Variants in SUMO3 observed in about 807,000 individuals in gnomAD.
SUMO3 encodes small ubiquitin-related modifier 3.
SUMO3 carries 2 observed loss-of-function variants against 11.1 expected under a neutral mutation model. The observed-to-expected ratio is 0.18, with a 90% CI of 0.07 to 0.57. The LOEUF (loss-of-function observed/expected upper bound fraction) is 0.57, where lower values mean the gene tolerates loss of function less well. SUMO3 is among the 20% of genes least tolerant of loss of function. SUMO3 has a pLI of 0.92. For missense variants in SUMO3, 70 were observed against 132.8 expected (o/e 0.53, Z 2.32); for synonymous variants, 56 against 53.5 (o/e 1.05, Z -0.20).
At chr21:44,813,831 G>GC in intron 2 of SUMO3, 145 bp downstream of exon 2, 5 of 1,540,202 alleles carry the variant, frequency 3.2e-6, no homozygotes, top group Non-Finnish European at 3.5e-6. Context: ...TACAGCACAA[G>GC]CCCCCGCCTG....
rs369635137 is a variant in SUMO3 at position 44,813,956 on chromosome 21, G to T, written c.150+20C>A. The T allele has an allele frequency of 1.3e-5, 21 of 1,607,548 alleles. No individual in the cohort carries two copies. Among genetic ancestry groups the T allele is most frequent in the South Asian group, 3.3e-5 (3 of 91,082 alleles). On this transcript the variant is annotated intron_variant, in intron 2 of 3. Transcript: ENST00000332859. The stretch of plus-strand genomic sequence containing the variant: ...CAGTGCGCACACGGGGAGGCTCTGC[G>T]GGGGAGCAAGGTGCCGCACCTGCCT...
chr21:44,809,625 A>G (rs1179909836), intron 2 of SUMO3, among the ~76,000 whole-genome samples: 7 of 152,246 alleles, frequency 4.6e-5, no homozygotes. Flanking sequence ...CTTTCTTTAC[A>G]TACGAAACCC....
Position 44,814,190 on chromosome 21 carries a change from C to CT in SUMO3, c.22-87dup, listed in dbSNP as rs1457580981. 1.1e-5 allele frequency: 17 copies of CT among 1,548,252 alleles called. 1 individual carries two copies. The highest frequency in any genetic ancestry group is 8.8e-6 in the Non-Finnish European group (10 of 1,141,026). On this transcript the variant is annotated intron_variant, in intron 1 of 3. Transcript: ENST00000332859. ...GGGCAAGTCTTTAGGTAATTGTTGG[C>CT]TTTTTAAAGTCATCAAAACCAACCT...
chr21:44,808,526 T>C (rs1036789436), intron 3 of SUMO3: 1 of 1,421,086 alleles, frequency 7.0e-7, no homozygotes, highest in South Asian at 1.6e-5. Flanking sequence ...AAAAAAAAAG[T>C]CTGTTTCCAG....
At chr21:44,815,232 C>T (rs1022380002) in intron 1 of SUMO3, among the ~76,000 whole-genome samples, 2 of 152,290 alleles carry the variant, frequency 1.3e-5, no homozygotes, top group African/African-American at 2.4e-5. Flanking sequence ...GTAGAAGGCT[C>T]GCCTGAGGGT....
At chr21:44,808,269 T>C in intron 3 of SUMO3, 2 of 283,100 alleles carry the variant, frequency 7.1e-6, no homozygotes, top group Non-Finnish European at 1.3e-5. Flanking sequence ...TCCCAGCACT[T>C]TGGGGGGCTG....
chr21:44,806,813 T>TG lies in SUMO3; in HGVS notation c.*137dup. ...TGCAGATATAGTTTTGAGTTGCACT[T>TG]GAAGTACATCAAAGAGAGGAAAATC... On this transcript the variant is annotated 3_prime_UTR_variant, in exon 4 of 4. Coordinates refer to ENST00000332859, the MANE Select transcript of SUMO3 (RefSeq NM_006936.3). 6.8e-7 allele frequency: 1 copy of TG among 1,460,132 alleles called. No homozygotes were observed. The highest frequency in any genetic ancestry group is 2.6e-5 in the Admixed American group (1 of 39,180). The allele number at this position is 1,460,132 out of a possible 1,614,324, so 90.4% of individuals were successfully genotyped here. A position where few individuals can be genotyped will look rare whatever the true frequency, so the allele number is the denominator to read the frequency against.
rs1201794412 is a variant in SUMO3, at chr21:44,810,289, T to C, written c.151-1171A>G. 6.6e-6 allele frequency among the ~76,000 whole-genome samples: 1 copy of C among 152,162 alleles called. No individual in the cohort carries two copies. The highest frequency in any genetic ancestry group is 6.5e-5 in the Admixed American group (1 of 15,270). On this transcript the variant is annotated intron_variant, in intron 2 of 3. Coordinates refer to ENST00000332859, the MANE Select transcript of SUMO3 (RefSeq NM_006936.3). The surrounding 1 kb of genome is among the most constrained non-coding windows in gnomAD (Gnocchi z 4.1). The stretch of plus-strand genomic sequence containing the variant: ...GAGTGGGGATGGGCAGATATGTCAA[T>C]GCTGGGCTGAGCCAGAGGCTACTGA...
At position 44,810,650 on chromosome 21, in the gene SUMO3, T is replaced by C. The variant is rs1450360310; in HGVS notation, c.151-1532A>G. Among the ~76,000 whole-genome samples, 1 of 152,052 alleles carries C rather than the reference T, an allele frequency of 6.6e-6. No individual in the cohort carries two copies. The highest frequency in any genetic ancestry group is 1.5e-5 in the Non-Finnish European group (1 of 68,016). On this transcript the variant is annotated intron_variant, in intron 2 of 3. Transcript: ENST00000332859. The surrounding 1 kb of genome is among the most constrained non-coding windows in gnomAD (Gnocchi z 4.1). ...CTGGCCGGAGCCTGGAGGACTCAAC[T>C]CTCAAACTGTAGCATCTGGGCGCCT...
intron 2 of SUMO3, 117 bp from the exon 3 acceptor site, chr21:44,809,235 T>G (rs997332744): frequency 2.1e-6 from 2 of 957,840 alleles, no homozygotes; most frequent in African/African-American, 3.3e-5. Context: ...ATTAAACATT[T>G]CCAGATACGG....
chr21:44,814,553 T>C (rs1331416769), intron 1 of SUMO3, among the ~76,000 whole-genome samples: 1 of 152,188 alleles, frequency 6.6e-6, no homozygotes, highest in African/African-American at 2.4e-5. Flanking sequence ...AAAATTCTTA[T>C]GAAACCAGTA....
rs1034003699 is a variant in SUMO3, at chr21:44,810,785, A to G, written c.151-1667T>C. On this transcript the variant is annotated intron_variant, in intron 2 of 3. Coordinates refer to ENST00000332859, the MANE Select transcript of SUMO3 (RefSeq NM_006936.3). This position sits in a 1 kb window ranked among gnomAD's most constrained non-coding sequence, Gnocchi z 4.1. ...GCTTCTCGGTGCTCCATGCTTGCAC[A>G]GAAGTCAGCCTGCGTGAGAGCAGTC... 6.6e-6 allele frequency among the ~76,000 whole-genome samples: 1 copy of G among 152,180 alleles called. No homozygotes were observed. The highest frequency in any genetic ancestry group is 1.5e-5 in the Non-Finnish European group (1 of 68,028).
chr21:44,815,343 AAGGGGCCTTGGCAGTG>A (rs2083237254), intron 1 of SUMO3, among the ~76,000 whole-genome samples: 1 of 152,122 alleles, frequency 6.6e-6, no homozygotes, highest in Admixed American at 6.5e-5. Flanking sequence ...AGTGGCCTGC[AAGGGGCCTTGGCAGTG>A]AGGGGCTCCA....
At chr21:44,817,262 C>T (rs1312459208) in intron 1 of SUMO3, among the ~76,000 whole-genome samples, 1 of 133,670 alleles carries the variant, frequency 7.5e-6, no homozygotes, top group South Asian at 2.4e-4. Flanking sequence ...GCACACGGGG[C>T]GCGATGGGTG....
intron 1 of SUMO3, among the ~76,000 whole-genome samples, chr21:44,816,399 T>C (rs1185984394): frequency 6.6e-6 from 1 of 152,186 alleles, no homozygotes; most frequent in African/African-American, 2.4e-5. Flanking sequence ...CCCTGGAGTC[T>C]GACCACAGCA....
rs182701893 is a variant in SUMO3, at chr21:44,810,047, C to A, written c.151-929G>T. 5.8e-4 allele frequency among the ~76,000 whole-genome samples: 88 copies of A among 152,240 alleles called. 1 individual carries two copies. The highest frequency in any genetic ancestry group is 2.0e-3 in the African/African-American group (85 of 41,542). On this transcript the variant is annotated intron_variant, in intron 2 of 3. Transcript: ENST00000332859. The surrounding 1 kb of genome is among the most constrained non-coding windows in gnomAD (Gnocchi z 4.1). ...GGAGCAGTTACCACCATGACTTTGG[C>A]CTTGAGGAGGGCAGCAGGAAGGAGA... is the stretch of plus-strand genomic sequence containing the variant.
chr21:44,817,166 G>A (rs1267625981), intron 1 of SUMO3, among the ~76,000 whole-genome samples: 1 of 143,844 alleles, frequency 7.0e-6, no homozygotes, highest in South Asian at 2.2e-4. Flanking sequence ...ACCATGGGGG[G>A]CGTGATGGGG....
chr21:44,811,078 GCACACATGCACACACCCACATACA>G lies in SUMO3; in HGVS notation c.151-1984_151-1961del, dbSNP rs1329043510. Among the ~76,000 whole-genome samples, 11 of 105,272 alleles carry G rather than the reference GCACACATGCACACACCCACATACA, an allele frequency of 1.0e-4. No individual in the cohort carries two copies. Among genetic ancestry groups the G allele is most frequent in the African/African-American group, 2.3e-4 (6 of 25,806 alleles). The allele number at this position is 105,272 out of a possible 152,430, so 69.1% of individuals were successfully genotyped here. A position where few individuals can be genotyped will look rare whatever the true frequency, so the allele number is the denominator to read the frequency against. On this transcript the variant is annotated intron_variant, in intron 2 of 3. Transcript: ENST00000332859. This position sits in a 1 kb window ranked among gnomAD's most constrained non-coding sequence, Gnocchi z 5.0. ...CACCCACACATACACACACACGAAT[GCACACATGCACACACCCACATACA>G]CACACATGCACACACCCACATATAC... is the stretch of plus-strand genomic sequence containing the variant.
Position 44,809,248 on chromosome 21 carries a change from TA to T in SUMO3, c.151-131del, listed in dbSNP as rs1031952574. 3.6e-6 allele frequency: 3 copies of T among 844,078 alleles called. No homozygotes were observed. The African/African-American group carries it at 5.1e-5, about 14-fold the overall frequency. The allele number at this position is 844,078 out of a possible 1,614,324, so 52.3% of individuals were successfully genotyped here. On this transcript the variant is annotated intron_variant, in intron 2 of 3. Transcript: ENST00000332859. ...CCATTAAACATTTCCAGATACGGCT[TA>T]ATTCAAAAACCAAATATTTTAATCC...
Sources: gnomAD v4.1 joint callset for allele counts (sites outside exome capture counted in the v4.1 genomes callset) on GRCh38, gnomAD v4.1.1 for gene constraint, Gnocchi (gnomAD v3.1) non-coding constraint, MANE v1.5 for transcripts, NCBI Gene and HGNC (gene_info 2026-07-23, HGNC 2026-07-21) for gene names.